UNC13C: variants seen among roughly 807,000 people sequenced by gnomAD.
UNC13C encodes protein unc-13 homolog C.
UNC13C carries 174 observed loss-of-function variants against 245.4 expected under a neutral mutation model. That is an observed-to-expected ratio of 0.71 (90% CI 0.63 to 0.80). UNC13C has a LOEUF of 0.80. Ranked by LOEUF, UNC13C falls within the 30% of genes least tolerant of loss-of-function variation. The pLI is 0.00. For missense variants in UNC13C, 2,829 were observed against 2,602.9 expected, an observed-to-expected ratio of 1.09 and a Z score of -1.89; for synonymous variants, 992 against 895.1, an observed-to-expected ratio of 1.11 and a Z score of -1.93.
chr15:54,407,056 C>A lies in UNC13C; in HGVS notation c.4848-7926C>A, dbSNP rs528429768. Among the ~76,000 whole-genome samples, 4 of 152,122 alleles carry A rather than the reference C, an allele frequency of 2.6e-5. No individual in the cohort carries two copies. In the East Asian group the frequency reaches 7.7e-4, roughly 29 times the overall value. On this transcript the variant is annotated intron_variant, in intron 18 of 32. Coordinates refer to ENST00000260323, the MANE Select transcript of UNC13C (RefSeq NM_001080534.3). The stretch of plus-strand genomic sequence containing the variant: ...GAAAGTTGGGGCCAGATGGTCAGAG[C>A]AGGATAGTCATATTAATGAATTGAA...
chr15:53,991,605 T>G (rs994762100), intron 1 of UNC13C, among the ~76,000 whole-genome samples: 1 of 152,000 alleles, frequency 6.6e-6, no homozygotes, highest in African/African-American at 2.4e-5. Context: ...TTATTTCTTT[T>G]GCTTGTATAA....
In UNC13C at chr15:54,358,394, A is replaced by G. The variant is rs1206618323; in HGVS notation, c.4713+19905A>G. Among the ~76,000 whole-genome samples, 3 of 152,088 alleles carry G rather than the reference A, an allele frequency of 2.0e-5. No homozygotes were observed. In the East Asian group the frequency reaches 5.8e-4, roughly 29 times the overall value. ...TTTCATAGGGATAACATTAATCTTTAGCTCCCTTTGGGTAGTACAGACATT... is the reference window on the plus strand; with the variant it reads ...TTTCATAGGGATAACATTAATCTTTGGCTCCCTTTGGGTAGTACAGACATT... On this transcript the variant is annotated intron_variant, in intron 17 of 32. Transcript: ENST00000260323.
chr15:53,918,355 G>A, the UNC13C span, among the ~76,000 whole-genome samples: 3 of 151,140 alleles, frequency 2.0e-5, no homozygotes, highest in African/African-American at 7.3e-5. Flanking sequence ...TTCCTACTCA[G>A]ATTTTTTTTT....
At chr15:54,148,678 T>A (rs998117751) in intron 4 of UNC13C, among the ~76,000 whole-genome samples, 1 of 152,196 alleles carries the variant, frequency 6.6e-6, no homozygotes, top group African/African-American at 2.4e-5. Flanking sequence ...GAACTTTTAA[T>A]TTCAGTTCTT....
intron 4 of UNC13C, among the ~76,000 whole-genome samples, chr15:54,216,012 C>A (rs1046332229): frequency 6.6e-6 from 1 of 151,812 alleles, no homozygotes; most frequent in Admixed American, 6.6e-5. Flanking sequence ...CCAGGCATAA[C>A]ACAATAAAAT....
chr15:54,555,126 G>C (rs141757550), intron 28 of UNC13C, among the ~76,000 whole-genome samples: 22 of 152,096 alleles, frequency 1.4e-4, no homozygotes, highest in African/African-American at 5.1e-4. Flanking sequence ...AGGAAGTCAG[G>C]TGACAAAATT....
the UNC13C span, among the ~76,000 whole-genome samples, chr15:53,922,425 T>C: frequency 3.3e-5 from 5 of 152,188 alleles, no homozygotes; most frequent in Admixed American, 6.5e-5. Flanking sequence ...ATTTTACAAA[T>C]GAAGAAACGG....
At chr15:54,386,688 T>G (rs780860624) in intron 17 of UNC13C, among the ~76,000 whole-genome samples, 4 of 152,192 alleles carry the variant, frequency 2.6e-5, no homozygotes, top group Non-Finnish European at 4.4e-5. Flanking sequence ...TCAGATATGG[T>G]CTAGACATTA....
At chr15:53,860,600 T>C in the UNC13C span, among the ~76,000 whole-genome samples, 1 of 152,192 alleles carries the variant, frequency 6.6e-6, no homozygotes, top group Non-Finnish European at 1.5e-5. Flanking sequence ...TAGCCCTATT[T>C]GAAGATAGCT....
intron 18 of UNC13C, among the ~76,000 whole-genome samples, chr15:54,401,193 C>A (rs62010065): frequency 0.12 from 17,608 of 152,024 alleles, 1,619 homozygotes; most frequent in African/African-American, 0.24. Context: ...CTTTTCTGCT[C>A]TATTGAACTT....
chr15:54,084,453 G>C (rs996557016), intron 2 of UNC13C, among the ~76,000 whole-genome samples: 34 of 152,150 alleles, frequency 2.2e-4, no homozygotes, highest in African/African-American at 7.0e-4. Context: ...CTTATTTCTG[G>C]CTTTATAAAT....
intron 7 of UNC13C, among the ~76,000 whole-genome samples, chr15:54,238,343 G>T (rs1032463196): frequency 1.3e-5 from 2 of 152,032 alleles, no homozygotes; most frequent in Non-Finnish European, 2.9e-5. Context: ...AAAGTGCTGG[G>T]ATTACAGGTG....
chr15:54,162,772 C>T lies in UNC13C; in HGVS notation c.3071+19088C>T, dbSNP rs1056106264. Among the ~76,000 whole-genome samples, 7 of 152,238 alleles carry T rather than the reference C, an allele frequency of 4.6e-5. No homozygotes were observed. In the South Asian group the frequency reaches 1.2e-3, roughly 27 times the overall value. On this transcript the variant is annotated intron_variant, in intron 4 of 32. Coordinates refer to ENST00000260323, the MANE Select transcript of UNC13C (RefSeq NM_001080534.3). ...AATTCATTAATTCTCTAAGATCTTA[C>T]AGAAATGTATTTTTTTAAAATCTCA...
chr15:54,242,225 C>A (rs1240560051), intron 7 of UNC13C, among the ~76,000 whole-genome samples: 1 of 151,952 alleles, frequency 6.6e-6, no homozygotes, highest in Non-Finnish European at 1.5e-5. Context: ...AAAATAAGTT[C>A]TGTATCTTGA....
intron 4 of UNC13C, among the ~76,000 whole-genome samples, chr15:54,224,952 C>G (rs934798768): frequency 1.3e-5 from 2 of 150,466 alleles, no homozygotes; most frequent in East Asian, 3.9e-4. Flanking sequence ...TCATAGTAGC[C>G]TCCAATGATC....
Position 54,043,026 on chromosome 15 carries a change from A to C in UNC13C, c.2983+27140A>C, listed in dbSNP as rs559814884. Among the ~76,000 whole-genome samples the C allele has an allele frequency of 1.2e-4, 19 of 152,234 alleles. No individual in the cohort carries two copies. In the East Asian group the frequency reaches 3.1e-3, roughly 25 times the overall value. ...GAAACATGACTGCTGCTCTATAAGG[A>C]AAGGCTTATAACATGTTCTTGCCTC... On this transcript the variant is annotated intron_variant, in intron 2 of 32. Transcript: ENST00000260323.
At chr15:53,845,095 G>A in the UNC13C span, among the ~76,000 whole-genome samples, 4 of 152,110 alleles carry the variant, frequency 2.6e-5, no homozygotes, top group African/African-American at 7.2e-5. Context: ...GGAGGCCAAG[G>A]TGGGTGGATC....
chr15:54,551,705 C>G (rs1896741840), intron 28 of UNC13C, among the ~76,000 whole-genome samples: 1 of 152,004 alleles, frequency 6.6e-6, no homozygotes, highest in African/African-American at 2.4e-5. Context: ...GTCTTTGTGT[C>G]TATTGATGAT....
At chr15:54,467,876 C>T (rs762777974) in intron 19 of UNC13C, among the ~76,000 whole-genome samples, 10 of 151,676 alleles carry the variant, frequency 6.6e-5, no homozygotes, top group Non-Finnish European at 1.5e-4. Flanking sequence ...ATGATCACTT[C>T]AGTTGTTTCC....
Sources: allele counts gnomAD v4.1 joint callset (sites outside exome capture counted in the v4.1 genomes callset), GRCh38; gene constraint gnomAD v4.1.1; transcripts MANE v1.5; gene names NCBI Gene and HGNC (gene_info 2026-07-23, HGNC 2026-07-21).